PDGFRB: variants seen among roughly 807,000 people sequenced by gnomAD.
PDGFRB encodes the protein platelet-derived growth factor receptor beta.
A neutral mutation model predicts 120.2 loss-of-function variants in PDGFRB; 42 were observed. That is an observed-to-expected ratio of 0.35 (90% CI 0.27 to 0.45). The LOEUF (loss-of-function observed/expected upper bound fraction) is 0.45, where lower values mean the gene tolerates loss of function less well. PDGFRB is among the 20% of genes least tolerant of loss of function. The pLI, the probability that PDGFRB is intolerant of heterozygous loss-of-function variation, is 1.00. For missense variants in PDGFRB, 1,149 were observed against 1,476.3 expected (o/e 0.78, Z 3.63); for synonymous variants, 586 against 606.8 (o/e 0.97, Z 0.50).
At chr5:150,147,510 C>A (rs115670940) in intron 1 of PDGFRB, among the ~76,000 whole-genome samples, 3,706 of 152,288 alleles carry the variant, frequency 0.024, 72 homozygotes, top group Non-Finnish European at 0.036. Context: ...GGCCTTGGGC[C>A]ATTCACACTG....
In PDGFRB at chr5:150,121,671, A is replaced by C. The variant is rs182870982; in HGVS notation, c.2344+209T>G. On this transcript the variant is annotated intron_variant, in intron 16 of 22. Transcript: ENST00000261799. This position sits in a 1 kb window ranked among gnomAD's most constrained non-coding sequence, Gnocchi z 4.1. ...CATATCCCTGCTCTCTCCCTCCCTG[A>C]GGGTTCTACGCATGTTTCCGGATCC... Among the ~76,000 whole-genome samples, 4 of 152,284 alleles carry C rather than the reference A, an allele frequency of 2.6e-5. No homozygotes were observed. In the East Asian group the frequency reaches 7.7e-4, roughly 29 times the overall value.
chr5:150,130,938 G>A (rs1216216562), intron 8 of PDGFRB, among the ~76,000 whole-genome samples: 1 of 152,150 alleles, frequency 6.6e-6, no homozygotes, highest in Non-Finnish European at 1.5e-5. Flanking sequence ...CTCAAGCTCA[G>A]AACCCTGGGC....
At position 150,114,055 on chromosome 5, in the gene PDGFRB, A is replaced by C. The variant is rs917565932; in HGVS notation, c.*1708T>G. ...GGACCAACTCTGGGGATCCCAGGGAAGTAAGGTGCCAACCTGCAATGCAGG... is the reference window on the plus strand; with the variant it reads ...GGACCAACTCTGGGGATCCCAGGGACGTAAGGTGCCAACCTGCAATGCAGG... On this transcript the variant is annotated 3_prime_UTR_variant, in exon 23 of 23. Coordinates refer to ENST00000261799, the MANE Select transcript of PDGFRB (RefSeq NM_002609.4). 4.3e-6 allele frequency: 1 copy of C among 233,396 alleles called. No individual in the cohort carries two copies. The highest frequency in any genetic ancestry group is 2.2e-5 in the African/African-American group (1 of 45,344). The allele number at this position is 233,396 out of a possible 1,614,324, so 14.5% of individuals were successfully genotyped here. A position where few individuals can be genotyped will look rare whatever the true frequency, so the allele number is the denominator to read the frequency against.
chr5:150,119,940 G>A, intron 19 of PDGFRB, 72 bp downstream of exon 19: 1 of 828,100 alleles, frequency 1.2e-6, no homozygotes, highest in Non-Finnish European at 2.2e-6. Flanking sequence ...AGCCCCACCA[G>A]GCCAGAGGCA....
rs1235855409 is a variant in PDGFRB at position 150,129,860 on chromosome 5, C to A, written c.1476G>T (p.Val492=). 6.2e-7 allele frequency: 1 copy of A among 1,614,128 alleles called. No homozygotes were observed. Among genetic ancestry groups the A allele is most frequent in the South Asian group, 1.1e-5 (1 of 91,090 alleles). ...YWEEEQEFEV[V]STLRLQHVDR... ...CCACGTGCTGCAGACGCAGTGTGCT[C>A]ACCACCTCAAACTCCTGCTCCTCCT... The change falls in exon 10 of 23, where the codon GTG becomes GTT. Residue 492 remains valine, a synonymous_variant. Coordinates refer to ENST00000261799, the MANE Select transcript of PDGFRB (RefSeq NM_002609.4).
In PDGFRB at chr5:150,132,551, C is replaced by A. The variant is rs141266144; in HGVS notation, c.1127+199G>T. Reference sequence around the variant, plus strand: ...CTAAACATCTGGGTGATCATCTGACCGGCGACTGTTTCCTCCACTAGACTA... The same window carrying A: ...CTAAACATCTGGGTGATCATCTGACAGGCGACTGTTTCCTCCACTAGACTA... On this transcript the variant is annotated intron_variant, in intron 7 of 22. Transcript: ENST00000261799. The surrounding 1 kb of genome is among the most constrained non-coding windows in gnomAD (Gnocchi z 5.0). Among the ~76,000 whole-genome samples, 374 of 152,324 alleles carry A rather than the reference C, an allele frequency of 2.5e-3. 1 individual carries two copies. Among genetic ancestry groups the A allele is most frequent in the African/African-American group, 8.8e-3 (367 of 41,580 alleles).
intron 1 of PDGFRB, among the ~76,000 whole-genome samples, chr5:150,144,570 G>A (rs1340894163): frequency 1.3e-5 from 2 of 152,222 alleles, no homozygotes; most frequent in Non-Finnish European, 1.5e-5. Flanking sequence ...TCCCCAGCCC[G>A]AGCCCCGCTC....
intron 1 of PDGFRB, chr5:150,153,584 T>A (rs932439819): frequency 6.6e-6 from 1 of 152,206 alleles, no homozygotes; most frequent in African/African-American, 2.4e-5. Context: ...AAACTTGCCA[T>A]GAGGACTCCA....
At chr5:150,133,292 G>C (rs557124751) in intron 6 of PDGFRB, among the ~76,000 whole-genome samples, 6 of 152,264 alleles carry the variant, frequency 3.9e-5, no homozygotes, top group African/African-American at 1.4e-4. Context: ...GTTGGGGCTG[G>C]GGCTCTGGCT....
rs755364956 is a variant in PDGFRB, at chr5:150,114,133, T to C, written c.*1630A>G. 2 of 233,368 alleles carry C rather than the reference T, an allele frequency of 8.6e-6. No individual in the cohort carries two copies. Among genetic ancestry groups the C allele is most frequent in the Non-Finnish European group, 1.7e-5 (2 of 117,938 alleles). 14.5% of individuals were successfully genotyped at this position (233,368 alleles called of 1,614,324 possible). A position where few individuals can be genotyped will look rare whatever the true frequency, so the allele number is the denominator to read the frequency against. On this transcript the variant is annotated 3_prime_UTR_variant, in exon 23 of 23. Coordinates refer to ENST00000261799, the MANE Select transcript of PDGFRB (RefSeq NM_002609.4). ...TGCACCCCCTTCCCAACCCTCCCCGTGCGGGGGCGTCTTGGCTACAACCCT... is the reference window on the plus strand; with the variant it reads ...TGCACCCCCTTCCCAACCCTCCCCGCGCGGGGGCGTCTTGGCTACAACCCT...
At chr5:150,136,980 T>G (rs200830790) in intron 2 of PDGFRB, 28 bp downstream of exon 2, 3 of 1,598,088 alleles carry the variant, frequency 1.9e-6, no homozygotes, top group Middle Eastern at 1.7e-4. Context: ...GCCCCCCGGG[T>G]CCCCTACCTT....
chr5:150,115,115 T>A lies in PDGFRB; in HGVS notation c.*648A>T, dbSNP rs1580788713. On this transcript the variant is annotated 3_prime_UTR_variant, in exon 23 of 23. Transcript: ENST00000261799. The stretch of plus-strand genomic sequence containing the variant: ...CTGGGCAAGGGCTGCAGGCTGGGGG[T>A]GTCCTGTACTTGGCTCAGCCTCCAG... The A allele has an allele frequency of 1.3e-5, 3 of 232,710 alleles. No individual in the cohort carries two copies. Among genetic ancestry groups the A allele is most frequent in the African/African-American group, 2.2e-5 (1 of 45,186 alleles). The allele number at this position is 232,710 out of a possible 1,614,324, so 14.4% of individuals were successfully genotyped here. A position where few individuals can be genotyped will look rare whatever the true frequency, so the allele number is the denominator to read the frequency against.
chr5:150,138,484 C>T (rs554041426), intron 1 of PDGFRB, among the ~76,000 whole-genome samples: 3 of 152,354 alleles, frequency 2.0e-5, no homozygotes, highest in East Asian at 1.9e-4. Flanking sequence ...AGGCTCCTCC[C>T]GCCTATGGAC....
Position 150,133,741 on chromosome 5 carries a change from G to A in PDGFRB, c.779C>T (p.Pro260Leu), listed in dbSNP as rs753192549. 1.6e-5 allele frequency: 26 copies of A among 1,614,010 alleles called. No individual in the cohort carries two copies. In the Admixed American group the frequency reaches 2.0e-4, roughly 12 times the overall value. Residue 260 changes from proline (P) to leucine (L), a missense_variant, in exon 6 of 23, where the codon CCG (proline) becomes CTG (leucine). Physicochemically the swap from Pro to Leu is moderately conservative, Grantham distance 98. Transcript: ENST00000261799. ...PRKESGRLVE[P>L]VTDFLLDMPY... ...CATATCCAAGAGGAAGTCAGTCACC[G>A]GCTCCACCAGCCGCCCACTCTGCAG...
Position 150,121,252 on chromosome 5 carries a change from G to T in PDGFRB, c.2415C>A (p.Gly805=). Residue 805 remains glycine (G), a synonymous_variant, in exon 17 of 23, where the codon GGC becomes GGA. Coordinates refer to ENST00000261799, the MANE Select transcript of PDGFRB (RefSeq NM_002609.4). This position sits in a 1 kb window ranked among gnomAD's most constrained non-coding sequence, Gnocchi z 4.1. ...TGCCATTGGCCACCTGGTAGCTGAA[G>T]CCCACGAGGTCCATGTAGCTTAGCA... ...SPVLSYMDLV[G]FSYQVANGME... 1 of 1,607,448 alleles carries T rather than the reference G, an allele frequency of 6.2e-7. No individual in the cohort carries two copies. Among genetic ancestry groups the T allele is most frequent in the South Asian group, 1.1e-5 (1 of 90,932 alleles).
At chr5:150,123,291 G>C in intron 14 of PDGFRB, 90 bp from the exon 15 acceptor site, 1 of 997,464 alleles carries the variant, frequency 1.0e-6, no homozygotes, top group Non-Finnish European at 1.5e-6. Flanking sequence ...GGATGTGGGA[G>C]AGACACTTTG....
Position 150,145,518 on chromosome 5 carries a change from C to T in PDGFRB, c.-6-8465G>A, listed in dbSNP as rs117049903. Among the ~76,000 whole-genome samples, 1,286 of 152,314 alleles carry T rather than the reference C, an allele frequency of 8.4e-3. 45 individuals are homozygous for T. The highest frequency in any genetic ancestry group is 0.056 in the South Asian group (270 of 4,832). ...GAACAATCCCATGACATCAGTACTG[C>T]TTCCTCATTTTACAGATGTGGAAAC... On this transcript the variant is annotated intron_variant, in intron 1 of 22. Coordinates refer to ENST00000261799, the MANE Select transcript of PDGFRB (RefSeq NM_002609.4).
At chr5:150,122,081 G>T in intron 15 of PDGFRB, 41 bp from the exon 16 acceptor site, 1 of 1,562,428 alleles carries the variant, frequency 6.4e-7, no homozygotes, top group South Asian at 1.1e-5. Context: ...TGCAGGCTTT[G>T]CCTTCCCCTC....
Position 150,129,839 on chromosome 5 carries a change from G to T in PDGFRB, c.1497C>A (p.His499Gln). Reference protein sequence around the residue: ...FEVVSTLRLQHVDRPLSVRCT... With the variant: ...FEVVSTLRLQQVDRPLSVRCT... ...AGCGCACCGACAGTGGCCGATCCAC[G>T]TGCTGCAGACGCAGTGTGCTCACCA... is the stretch of plus-strand genomic sequence containing the variant. Residue 499 changes from histidine to glutamine, a missense_variant, in exon 10 of 23, where the codon CAC (histidine) becomes CAA (glutamine). His to Gln is a conservative substitution (Grantham distance 24). Coordinates refer to ENST00000261799, the MANE Select transcript of PDGFRB (RefSeq NM_002609.4). The T allele has an allele frequency of 6.2e-7, 1 of 1,614,124 alleles. No individual in the cohort carries two copies.
Sources: gnomAD v4.1 joint callset for allele counts (sites outside exome capture counted in the v4.1 genomes callset) on GRCh38, gnomAD v4.1.1 for gene constraint, Gnocchi (gnomAD v3.1) non-coding constraint, MANE v1.5 for transcripts, NCBI Gene and HGNC (gene_info 2026-07-23, HGNC 2026-07-21) for gene names.